Variants in LRMDA observed in about 807,000 individuals in gnomAD.
The protein encoded by LRMDA is leucine-rich melanocyte differentiation-associated protein.
In LRMDA, 18 loss-of-function variants were observed where a neutral mutation model predicts 29.8. The observed-to-expected ratio is 0.60, with a 90% CI of 0.42 to 0.90. LRMDA has a LOEUF of 0.90. Ranked by LOEUF, LRMDA falls within the 40% of genes least tolerant of loss-of-function variation. The probability of loss-of-function intolerance (pLI) is 0.00; values close to 1 mark genes in which losing one functional copy is unlikely to be tolerated. For missense variants in LRMDA, 273 were observed against 273.9 expected (o/e 1.00, Z 0.02); for synonymous variants, 125 against 109.4 (o/e 1.14, Z -0.89).
chr10:75,675,597 C>A (rs1308864421), intron 2 of LRMDA, among the ~76,000 whole-genome samples: 1 of 152,158 alleles, frequency 6.6e-6, no homozygotes, highest in Non-Finnish European at 1.5e-5. Context: ...TGGATTTATG[C>A]CATTCCTGTC....
At position 75,959,444 on chromosome 10, in the gene LRMDA, G is replaced by A. The variant is rs1019092700; in HGVS notation, c.132-76564G>A. Among the ~76,000 whole-genome samples, 3 of 152,236 alleles carry A rather than the reference G, an allele frequency of 2.0e-5. No individual in the cohort carries two copies. In the South Asian group the frequency reaches 6.2e-4, roughly 32 times the overall value. ...TACTGTGGTGACTCATCCCCTTCAA[G>A]AATCAGATCAAAGCTGTGGACTCTT... is the stretch of plus-strand genomic sequence containing the variant. On this transcript the variant is annotated intron_variant, in intron 2 of 6. Transcript: ENST00000611255.
intron 2 of LRMDA, among the ~76,000 whole-genome samples, chr10:76,009,737 C>T (rs576454666): frequency 3.3e-5 from 5 of 152,250 alleles, no homozygotes; most frequent in South Asian, 4.2e-4. Context: ...TCTTCTCCTC[C>T]GCAGCCGCTC....
chr10:75,837,829 T>C (rs1393416591), intron 2 of LRMDA, among the ~76,000 whole-genome samples: 1 of 152,170 alleles, frequency 6.6e-6, no homozygotes, highest in Non-Finnish European at 1.5e-5. Context: ...AGGACCTTAG[T>C]AAATACTTGT....
intron 2 of LRMDA, among the ~76,000 whole-genome samples, chr10:75,902,558 T>A (rs902214985): frequency 1.3e-5 from 2 of 152,214 alleles, no homozygotes; most frequent in Non-Finnish European, 2.9e-5. Context: ...TTTGTTTGTT[T>A]ATTCATTCCT....
intron 6 of LRMDA, among the ~76,000 whole-genome samples, chr10:76,393,814 A>G (rs1841751601): frequency 6.6e-6 from 1 of 152,080 alleles, no homozygotes; most frequent in African/African-American, 2.4e-5. Context: ...GAAGTCTTTA[A>G]TCCACTTTGA....
chr10:76,482,147 C>T (rs542103468), intron 6 of LRMDA, among the ~76,000 whole-genome samples: 61 of 151,980 alleles, frequency 4.0e-4, no homozygotes, highest in South Asian at 2.7e-3. Context: ...TTAGATAAAT[C>T]CTCAGCTCTT....
chr10:76,038,561 G>A (rs1434131162), intron 3 of LRMDA, among the ~76,000 whole-genome samples: 1 of 152,144 alleles, frequency 6.6e-6, no homozygotes, highest in Non-Finnish European at 1.5e-5. Context: ...ATGTGATTGT[G>A]AAGATCATCT....
At chr10:76,176,018 A>G (rs968945412) in intron 5 of LRMDA, among the ~76,000 whole-genome samples, 3 of 152,182 alleles carry the variant, frequency 2.0e-5, no homozygotes, top group Non-Finnish European at 4.4e-5. Context: ...GGGCCTGGAG[A>G]GGCCTGCCAG....
intron 2 of LRMDA, among the ~76,000 whole-genome samples, chr10:75,861,606 T>G (rs911876439): frequency 2.6e-5 from 4 of 152,202 alleles, no homozygotes; most frequent in Non-Finnish European, 5.9e-5. Flanking sequence ...GAACACTAGG[T>G]CATTGAATAT....
chr10:75,878,409 G>T (rs1200865952), intron 2 of LRMDA, among the ~76,000 whole-genome samples: 1 of 151,856 alleles, frequency 6.6e-6, no homozygotes, highest in Non-Finnish European at 1.5e-5. Flanking sequence ...TCTTCCCCTG[G>T]GGTAGGGCCA....
intron 6 of LRMDA, among the ~76,000 whole-genome samples, chr10:76,405,778 A>G (rs1029115805): frequency 2.6e-5 from 4 of 152,140 alleles, no homozygotes; most frequent in African/African-American, 9.7e-5. Context: ...AAAACATTAA[A>G]GAATAATTTA....
intron 2 of LRMDA, among the ~76,000 whole-genome samples, chr10:75,758,497 C>G (rs962471887): frequency 6.6e-5 from 10 of 152,194 alleles, no homozygotes; most frequent in African/African-American, 1.7e-4. Context: ...TATTATCGTT[C>G]TAGTAGAGCA....
chr10:75,860,992 G>A (rs978726708), intron 2 of LRMDA, among the ~76,000 whole-genome samples: 1 of 152,164 alleles, frequency 6.6e-6, no homozygotes, highest in African/African-American at 2.4e-5. Flanking sequence ...TAGAAATAAG[G>A]TTATAAGATA....
Position 75,706,298 on chromosome 10 carries a change from G to A in LRMDA, c.131+267804G>A, listed in dbSNP as rs559791548. ...GTATGTCTTCATGTATTGCATATAC[G>A]TTTTCCACATTTTGTATTATTTCCT... On this transcript the variant is annotated intron_variant, in intron 2 of 6. Transcript: ENST00000611255. 5.1e-4 allele frequency among the ~76,000 whole-genome samples: 77 copies of A among 151,570 alleles called. 1 individual carries two copies. The South Asian group carries it at 0.015, about 30-fold the overall frequency.
intron 2 of LRMDA, among the ~76,000 whole-genome samples, chr10:75,837,148 A>C (rs1844452827): frequency 6.6e-6 from 1 of 152,210 alleles, no homozygotes; most frequent in African/African-American, 2.4e-5. Context: ...TTGATGTAAG[A>C]GATGTATAAG....
At chr10:76,117,870 T>C (rs1465135850) in intron 5 of LRMDA, among the ~76,000 whole-genome samples, 2 of 152,228 alleles carry the variant, frequency 1.3e-5, no homozygotes, top group African/African-American at 4.8e-5. Flanking sequence ...ACAGAGTTCA[T>C]TGGTTGCTTT....
At chr10:75,957,150 C>T (rs778631684) in intron 2 of LRMDA, among the ~76,000 whole-genome samples, 12 of 152,222 alleles carry the variant, frequency 7.9e-5, no homozygotes, top group Non-Finnish European at 1.8e-4. Context: ...GATGATGGCA[C>T]ACACTATTTG....
At chr10:75,617,260 G>A (rs2132103514) in intron 2 of LRMDA, among the ~76,000 whole-genome samples, 1 of 152,292 alleles carries the variant, frequency 6.6e-6, no homozygotes, top group East Asian at 1.9e-4. Context: ...GGAGGCCCAA[G>A]TGGCAGCATA....
chr10:76,176,465 A>C (rs1850936748), intron 5 of LRMDA, among the ~76,000 whole-genome samples: 1 of 152,176 alleles, frequency 6.6e-6, no homozygotes, highest in South Asian at 2.1e-4. Flanking sequence ...ATGCAGAAAT[A>C]ATACAGTAAA....
Sources: gnomAD v4.1 joint callset for allele counts (sites outside exome capture counted in the v4.1 genomes callset) on GRCh38, gnomAD v4.1.1 for gene constraint, MANE v1.5 for transcripts, NCBI Gene and HGNC (gene_info 2026-07-23, HGNC 2026-07-21) for gene names.